PATJ: variants seen among roughly 807,000 people sequenced by gnomAD.
PATJ encodes the protein PATJ crumbs cell polarity complex component.
PATJ carries 190 observed loss-of-function variants against 224.9 expected under a neutral mutation model. The ratio of observed to expected loss-of-function variants is 0.84; its 90% confidence interval spans 0.75 to 0.95. The LOEUF is 0.95. Among genes scored for constraint, PATJ ranks in the 40% least tolerant of loss-of-function variants. The probability of loss-of-function intolerance (pLI) is 0.00; values close to 1 mark genes in which losing one functional copy is unlikely to be tolerated. For missense variants in PATJ, 2,121 were observed against 2,270.3 expected, an observed-to-expected ratio of 0.93 and a Z score of 1.34; for synonymous variants, 769 against 820.3, an observed-to-expected ratio of 0.94 and a Z score of 1.07.
intron 11 of PATJ, among the ~76,000 whole-genome samples, chr1:61,798,370 A>AT (rs1376962977): frequency 1.3e-5 from 2 of 150,838 alleles, no homozygotes; most frequent in African/African-American, 2.4e-5. Flanking sequence ...ATTTATTTTT[A>AT]TTTTTTTTGT....
chr1:62,108,825 A>G (rs17123084), intron 34 of PATJ, among the ~76,000 whole-genome samples: 1,796 of 152,256 alleles, frequency 0.012, 34 homozygotes, highest in African/African-American at 0.041. Context: ...TCTCCATTAT[A>G]CCCTACTAAA....
intron 6 of PATJ, among the ~76,000 whole-genome samples, chr1:61,774,907 C>T (rs148324686): frequency 2.3e-4 from 35 of 152,214 alleles, no homozygotes; most frequent in African/African-American, 7.5e-4. Flanking sequence ...TCCAGTGCAG[C>T]GTAAGGAATG....
At chr1:61,760,833 G>A (rs1235898551) in intron 1 of PATJ, among the ~76,000 whole-genome samples, 4 of 151,814 alleles carry the variant, frequency 2.6e-5, no homozygotes, top group East Asian at 1.9e-4. Flanking sequence ...GGCTGGTCTC[G>A]AATTCCTGAC....
At chr1:61,990,071 C>A in intron 27 of PATJ, 97 bp from the exon 28 acceptor site, 2 of 935,140 alleles carry the variant, frequency 2.1e-6, no homozygotes, top group Non-Finnish European at 1.6e-6. Flanking sequence ...AAAAAGGTAC[C>A]ATAGTTGAGA....
intron 20 of PATJ, among the ~76,000 whole-genome samples, chr1:61,873,356 G>T (rs1269306983): frequency 6.6e-6 from 1 of 151,906 alleles, no homozygotes; most frequent in African/African-American, 2.4e-5. Context: ...TTTTTGTAGA[G>T]ATGGGGTTTC....
intron 5 of PATJ, among the ~76,000 whole-genome samples, chr1:61,770,684 G>A (rs763669714): frequency 1.3e-5 from 2 of 152,056 alleles, no homozygotes; most frequent in Admixed American, 6.6e-5. Flanking sequence ...TCTCATGGCT[G>A]TAATCCCAGC....
At chr1:62,144,863 CTTATT>C (rs577733929) in intron 41 of PATJ, among the ~76,000 whole-genome samples, 233 of 148,218 alleles carry the variant, frequency 1.6e-3, no homozygotes, top group Non-Finnish European at 2.6e-3. Flanking sequence ...TTATTTTTAT[CTTATT>C]TTATTTTTGA....
At chr1:61,833,541 A>G in intron 16 of PATJ, 113 bp from the exon 17 acceptor site, 1 of 1,026,712 alleles carries the variant, frequency 9.7e-7, no homozygotes, top group East Asian at 2.8e-5. Flanking sequence ...AAAACTACGC[A>G]TGCCAAAGAG....
rs72914010 is a variant in PATJ at position 61,905,495 on chromosome 1, C to T, written c.3382-2877C>T. ...GTACCAATTTGTTTAATCATTCACCCATTGAAAGACACTTGGGTAGTTTTT... is the reference window on the plus strand; with the variant it reads ...GTACCAATTTGTTTAATCATTCACCTATTGAAAGACACTTGGGTAGTTTTT... On this transcript the variant is annotated intron_variant, in intron 24 of 43. Transcript: ENST00000642238. Among the ~76,000 whole-genome samples the T allele has an allele frequency of 5.1e-3, 782 of 152,268 alleles. 5 individuals are homozygous for T. The highest frequency in any genetic ancestry group is 0.018 in the African/African-American group (756 of 41,564).
chr1:62,033,706 G>A (rs571235803), intron 29 of PATJ, among the ~76,000 whole-genome samples: 20 of 152,266 alleles, frequency 1.3e-4, no homozygotes, highest in Admixed American at 5.2e-4. Context: ...ATAGCTGGCC[G>A]ACTACAGGCA....
chr1:61,752,183 G>A (rs577033409), intron 1 of PATJ, among the ~76,000 whole-genome samples: 13 of 149,876 alleles, frequency 8.7e-5, no homozygotes, highest in African/African-American at 3.2e-4. Flanking sequence ...GTTTAACTTT[G>A]TTCCTACAAA....
At chr1:62,037,785 C>T (rs1222230985) in intron 29 of PATJ, among the ~76,000 whole-genome samples, 192 bp from the exon 30 acceptor site, 2 of 152,072 alleles carry the variant, frequency 1.3e-5, no homozygotes, top group Non-Finnish European at 2.9e-5. Context: ...TTGAGCTACA[C>T]ATATTTTTTA....
At chr1:61,813,344 T>TAG (rs1655252890) in intron 14 of PATJ, among the ~76,000 whole-genome samples, 5 of 88,058 alleles carry the variant, frequency 5.7e-5, no homozygotes, top group South Asian at 3.7e-4. Flanking sequence ...CATATATATA[T>TAG]ATATATATAT....
intron 29 of PATJ, among the ~76,000 whole-genome samples, chr1:62,033,931 G>A (rs1241723499): frequency 6.6e-6 from 1 of 152,164 alleles, no homozygotes; most frequent in African/African-American, 2.4e-5. Context: ...ACCAGCACAA[G>A]TAATTTTAAC....
At chr1:61,872,998 A>G (rs150108461) in intron 20 of PATJ, among the ~76,000 whole-genome samples, 278 of 152,230 alleles carry the variant, frequency 1.8e-3, no homozygotes, top group African/African-American at 6.6e-3. Context: ...TTGAAGTCTG[A>G]CCACTTTACA....
At chr1:62,106,158 G>GTGTATATATATATATATA (rs1356937495) in intron 33 of PATJ, among the ~76,000 whole-genome samples, 19 of 48,056 alleles carry the variant, frequency 4.0e-4, no homozygotes, top group African/African-American at 6.3e-4. Flanking sequence ...GTGTGTGTGT[G>GTGTATATATATATATATA]TATATATATA....
At chr1:62,050,944 T>C in intron 30 of PATJ, 22 bp from the exon 31 acceptor site, 1 of 1,586,636 alleles carries the variant, frequency 6.3e-7, no homozygotes, top group Non-Finnish European at 8.7e-7. Flanking sequence ...ATCTTTGCCA[T>C]TTTCTTTTTA....
chr1:61,890,438 C>T (rs1669448997), intron 22 of PATJ, among the ~76,000 whole-genome samples: 1 of 152,144 alleles, frequency 6.6e-6, no homozygotes, highest in African/African-American at 2.4e-5. Flanking sequence ...ATGATTATAC[C>T]ACTGCACTCC....
intron 31 of PATJ, among the ~76,000 whole-genome samples, chr1:62,059,862 G>A (rs1434746010): frequency 6.6e-6 from 1 of 152,108 alleles, no homozygotes; most frequent in Non-Finnish European, 1.5e-5. Context: ...GGGACTTGAT[G>A]GTTACGTAGA....
Sources: allele counts gnomAD v4.1 joint callset (sites outside exome capture counted in the v4.1 genomes callset), GRCh38; gene constraint gnomAD v4.1.1; transcripts MANE v1.5; gene names NCBI Gene and HGNC (gene_info 2026-07-23, HGNC 2026-07-21).